Variants in GFPT2 observed in about 807,000 individuals in gnomAD.
GFPT2 encodes the protein glutamine--fructose-6-phosphate aminotransferase [isomerizing] 2.
Under a neutral mutation model 85.6 loss-of-function variants are expected in GFPT2, and 62 were observed. That is an observed-to-expected ratio of 0.72 (90% CI 0.59 to 0.90). GFPT2 has a LOEUF of 0.90. Ranked by LOEUF, GFPT2 falls within the 40% of genes least tolerant of loss-of-function variation. The probability of loss-of-function intolerance (pLI) is 0.00; values close to 1 mark genes in which losing one functional copy is unlikely to be tolerated. For synonymous variants in GFPT2, 368 were observed against 344.5 expected (o/e 1.07, Z -0.75); for missense variants, 788 against 893.4 (o/e 0.88, Z 1.50).
Position 180,323,419 on chromosome 5 carries a change from T to A in GFPT2, c.794+769A>T, listed in dbSNP as rs1277859596. Among the ~76,000 whole-genome samples the A allele has an allele frequency of 5.9e-5, 9 of 152,070 alleles. No individual in the cohort carries two copies. The South Asian group carries it at 1.2e-3, about 21-fold the overall frequency. Reference sequence around the variant, plus strand: ...GGCTGGTCGGGAAAGAGAAAACCCATCAAGAATGGAAACATAACAAAGGCC... The same window carrying A: ...GGCTGGTCGGGAAAGAGAAAACCCAACAAGAATGGAAACATAACAAAGGCC... On this transcript the variant is annotated intron_variant, in intron 9 of 18. Transcript: ENST00000253778. The surrounding 1 kb of genome is among the most constrained non-coding windows in gnomAD (Gnocchi z 4.0).
intron 4 of GFPT2, among the ~76,000 whole-genome samples, chr5:180,331,949 T>G (rs967228461): frequency 3.3e-5 from 5 of 152,230 alleles, no homozygotes; most frequent in Admixed American, 6.5e-5. Flanking sequence ...CAACTGGCTT[T>G]AGGCACAAAG....
At chr5:180,313,203 G>T (rs1019850083) in intron 14 of GFPT2, among the ~76,000 whole-genome samples, 2 of 152,080 alleles carry the variant, frequency 1.3e-5, no homozygotes, top group East Asian at 3.9e-4. Context: ...CAGCCCTAAA[G>T]GACTTTAAAA....
chr5:180,314,518 T>C (rs1053196521), intron 13 of GFPT2, among the ~76,000 whole-genome samples: 7 of 152,184 alleles, frequency 4.6e-5, no homozygotes, highest in Non-Finnish European at 8.8e-5. Flanking sequence ...CTCCCTATGT[T>C]TGTGAGTCCT....
chr5:180,303,181 G>T (rs1246474401), intron 17 of GFPT2, among the ~76,000 whole-genome samples: 1 of 148,624 alleles, frequency 6.7e-6, no homozygotes, highest in Non-Finnish European at 1.5e-5. Flanking sequence ...AGTGAGCCGA[G>T]ATGGCGCCAC....
chr5:180,318,937 T>G lies in GFPT2; in HGVS notation c.814A>C (p.Asn272His). The change falls in exon 10 of 19, where the codon AAC becomes CAC. Residue 272 changes from asparagine (N) to histidine (H), a missense_variant. By Grantham distance (68) the Asn-to-His change is moderately conservative. Transcript: ENST00000253778. This position sits in a 1 kb window ranked among gnomAD's most constrained non-coding sequence, Gnocchi z 4.2. ...SDASAIIEHTNRVIFLEDDDI... is the reference protein window; with the variant it reads ...SDASAIIEHTHRVIFLEDDDI... Reference sequence around the variant, plus strand: ...TCGTCCTCCAGGAAGATGACCCGGTTGGTGTGCTCTATGATAGCGCTGGGG... The same window carrying G: ...TCGTCCTCCAGGAAGATGACCCGGTGGGTGTGCTCTATGATAGCGCTGGGG... The G allele has an allele frequency of 6.2e-7, 1 of 1,613,180 alleles. No homozygotes were observed. The highest frequency in any genetic ancestry group is 1.1e-5 in the South Asian group (1 of 91,082).
In GFPT2 at chr5:180,327,426, C is replaced by T. The variant is rs1764229250; in HGVS notation, c.596+851G>A. On this transcript the variant is annotated intron_variant, in intron 7 of 18. Transcript: ENST00000253778. ...CGGGGATCCTGGGAGGTCCCACTCC[C>T]TCTGGGCCCCTTGCCTTTGCTCATG... Among the ~76,000 whole-genome samples the T allele has an allele frequency of 2.0e-5, 3 of 152,254 alleles. No individual in the cohort carries two copies. In the South Asian group the frequency reaches 6.2e-4, roughly 32 times the overall value.
chr5:180,316,507 C>T (rs369617787), intron 12 of GFPT2, 46 bp from the exon 13 acceptor site: 17 of 1,610,502 alleles, frequency 1.1e-5, no homozygotes, highest in African/African-American at 2.7e-5. Flanking sequence ...GTCACAGGCA[C>T]GACAGGGACA....
chr5:180,348,405 T>C (rs1369347184), intron 1 of GFPT2, among the ~76,000 whole-genome samples: 1 of 152,236 alleles, frequency 6.6e-6, no homozygotes, highest in Non-Finnish European at 1.5e-5. Flanking sequence ...TGGCCTCTCA[T>C]ACACTGGGAA....
intron 1 of GFPT2, among the ~76,000 whole-genome samples, chr5:180,348,024 C>G (rs1277393005): frequency 2.0e-5 from 3 of 152,146 alleles, no homozygotes; most frequent in Non-Finnish European, 4.4e-5. Flanking sequence ...CAGTGCTCCA[C>G]ACAGGACAGG....
chr5:180,319,038 G>A (rs1406554540), intron 9 of GFPT2, 82 bp from the exon 10 acceptor site: 1 of 1,342,572 alleles, frequency 7.4e-7, no homozygotes, highest in Non-Finnish European at 1.0e-6. Flanking sequence ...TCCCAAGCGT[G>A]GAGGCCACAT....
intron 16 of GFPT2, 98 bp from the exon 17 acceptor site, chr5:180,305,037 G>A (rs927013612): frequency 3.5e-6 from 3 of 859,618 alleles, no homozygotes; most frequent in Admixed American, 3.9e-5. Context: ...GGATGACTCT[G>A]GAAGGCAGAG....
intron 1 of GFPT2, among the ~76,000 whole-genome samples, chr5:180,348,075 C>G (rs1764645472): frequency 6.6e-6 from 1 of 152,176 alleles, no homozygotes; most frequent in Admixed American, 6.5e-5. Flanking sequence ...CAGGCCAGGA[C>G]TCACCCCTCA....
Position 180,353,250 on chromosome 5 carries a change from A to G in GFPT2, c.-33T>C, listed in dbSNP as rs1294677341. ...GCTTCTCGGGCTCCTTCGCGGCTCG[A>G]GGGGGTCTGCCCGTTCGGACGCTGG... is the stretch of plus-strand genomic sequence containing the variant. On this transcript the variant is annotated 5_prime_UTR_variant, in exon 1 of 19. Transcript: ENST00000253778. The G allele has an allele frequency of 8.9e-6, 11 of 1,239,948 alleles. No homozygotes were observed. The highest frequency in any genetic ancestry group is 1.1e-5 in the Non-Finnish European group (11 of 988,096). 76.8% of individuals were successfully genotyped at this position (1,239,948 alleles called of 1,614,324 possible). A position where few individuals can be genotyped will look rare whatever the true frequency, so the allele number is the denominator to read the frequency against.
Position 180,318,794 on chromosome 5 carries a change from T to C in GFPT2, c.957A>G (p.Lys319=). 6.2e-7 allele frequency: 1 copy of C among 1,613,704 alleles called. No homozygotes were observed. The highest frequency in any genetic ancestry group is 8.5e-7 in the Non-Finnish European group (1 of 1,179,820). The part of the protein sequence containing the change: ...TLQMELQQIM[K]GNFSAFMQKE... ...ACGTGGACTCTGGAGGACACCTGCC[T>C]TTCATGATTTGCTGCAGTTCCATCT... The change falls in exon 10 of 19, where the codon AAA becomes AAG. Residue 319 remains lysine (K), a splice_region_variant and synonymous_variant. Coordinates refer to ENST00000253778, the MANE Select transcript of GFPT2 (RefSeq NM_005110.4). This position sits in a 1 kb window ranked among gnomAD's most constrained non-coding sequence, Gnocchi z 4.2.
chr5:180,344,662 C>A (rs1397756737), intron 1 of GFPT2, among the ~76,000 whole-genome samples: 1 of 152,186 alleles, frequency 6.6e-6, no homozygotes, highest in Non-Finnish European at 1.5e-5. Context: ...CAGGCCGGAC[C>A]TCTGGCTGGT....
chr5:180,316,659 C>A (rs982513502), intron 12 of GFPT2, 105 bp downstream of exon 12: 3 of 957,166 alleles, frequency 3.1e-6, no homozygotes, highest in African/African-American at 3.3e-5. Context: ...GGAATGGGTA[C>A]AAGGGCTTAG....
chr5:180,301,442 A>G lies in GFPT2; in HGVS notation c.*122T>C. On this transcript the variant is annotated 3_prime_UTR_variant, in exon 19 of 19. Transcript: ENST00000253778. Reference sequence around the variant, plus strand: ...GGTAGAAGGCACGTGGAAGCTGTCAAGCTCTACAGGAGCACGCAGAACATG... The same window carrying G: ...GGTAGAAGGCACGTGGAAGCTGTCAGGCTCTACAGGAGCACGCAGAACATG... The G allele has an allele frequency of 1.2e-6, 1 of 849,144 alleles. No homozygotes were observed. The highest frequency in any genetic ancestry group is 2.0e-6 in the Non-Finnish European group (1 of 504,632). The allele number at this position is 849,144 out of a possible 1,614,324, so 52.6% of individuals were successfully genotyped here.
chr5:180,352,629 G>GCGAC (rs571093096), intron 1 of GFPT2: 49 of 448,952 alleles, frequency 1.1e-4, no homozygotes, highest in African/African-American at 5.4e-4. Flanking sequence ...TAACGCGGCA[G>GCGAC]CGACCCTTCT....
intron 15 of GFPT2, among the ~76,000 whole-genome samples, chr5:180,310,013 T>A (rs1057312977): frequency 1.2e-4 from 18 of 151,358 alleles, no homozygotes; most frequent in African/African-American, 4.1e-4. Flanking sequence ...GGTTTCACCA[T>A]GTTAGCCAGG....
Sources: allele counts gnomAD v4.1 joint callset (sites outside exome capture counted in the v4.1 genomes callset), GRCh38; gene constraint gnomAD v4.1.1; non-coding constraint Gnocchi (gnomAD v3.1); transcripts MANE v1.5; gene names NCBI Gene and HGNC (gene_info 2026-07-23, HGNC 2026-07-21).